PXN: variants seen among roughly 807,000 people sequenced by gnomAD.
PXN encodes the protein paxillin.
PXN carries 61 observed loss-of-function variants against 103.6 expected under a neutral mutation model. That is an observed-to-expected ratio of 0.59 (90% CI 0.48 to 0.73). PXN has a LOEUF of 0.73. Ranked by LOEUF, PXN falls within the 30% of genes least tolerant of loss-of-function variation. The probability of loss-of-function intolerance (pLI) is 0.00; values close to 1 mark genes in which losing one functional copy is unlikely to be tolerated. For missense variants in PXN, 1,274 were observed against 1,460.3 expected (o/e 0.87, Z 2.08); for synonymous variants, 562 against 607.8 (o/e 0.92, Z 1.11).
intron 1 of PXN, among the ~76,000 whole-genome samples, chr12:120,237,229 G>A (rs1241742697): frequency 6.6e-6 from 1 of 151,484 alleles, no homozygotes; most frequent in Non-Finnish European, 1.5e-5. Context: ...CATGATCACG[G>A]TTCACTGCAA....
rs1331194739 is a variant in PXN, at chr12:120,228,688, A to G, written c.14-4311T>C. 6.6e-6 allele frequency among the ~76,000 whole-genome samples: 1 copy of G among 152,220 alleles called. No homozygotes were observed. The highest frequency in any genetic ancestry group is 2.4e-5 in the African/African-American group (1 of 41,452). ...AACACAGCAAGCTAGTGGGAGGAAC[A>G]CAGGTAGCCTGGTATCACTTGAAGG... is the stretch of plus-strand genomic sequence containing the variant. On this transcript the variant is annotated intron_variant, in intron 1 of 14. Transcript: ENST00000637617. The surrounding 1 kb of genome is among the most constrained non-coding windows in gnomAD (Gnocchi z 4.7).
intron 1 of PXN, chr12:120,249,880 C>A: frequency 1.0e-6 from 1 of 985,552 alleles, no homozygotes. Flanking sequence ...ACAGCTACCT[C>A]ACCTCAAAGA....
intron 1 of PXN, among the ~76,000 whole-genome samples, chr12:120,232,552 GAC>G (rs1888259786): frequency 6.6e-6 from 1 of 152,114 alleles, no homozygotes; most frequent in African/African-American, 2.4e-5. Flanking sequence ...ATACAAAAAA[GAC>G]AGCCTCAAAC....
Position 120,215,347 on chromosome 12 carries a change from T to C in PXN, c.2404-74A>G, listed in dbSNP as rs910011534. ...GTGTCTGGCAGCACAGGGATGGGGG[T>C]ACTTTTCTCCCTCCTGGACAGATGA... On this transcript the variant is annotated intron_variant, in intron 10 of 14. Coordinates refer to ENST00000637617, the MANE Select transcript of PXN (RefSeq NM_001385981.1). This position sits in a 1 kb window ranked among gnomAD's most constrained non-coding sequence, Gnocchi z 4.9. 1 of 1,522,202 alleles carries C rather than the reference T, an allele frequency of 6.6e-7. No individual in the cohort carries two copies. The allele number at this position is 1,522,202 out of a possible 1,614,324, so 94.3% of individuals were successfully genotyped here.
At position 120,225,952 on chromosome 12, in the gene PXN, G is replaced by A. The variant is rs1216625033; in HGVS notation, c.14-1575C>T. 3 of 611,352 alleles carry A rather than the reference G, an allele frequency of 4.9e-6. No homozygotes were observed. The African/African-American group carries it at 5.9e-5, about 12-fold the overall frequency. 37.9% of individuals were successfully genotyped at this position (611,352 alleles called of 1,614,324 possible). A position where few individuals can be genotyped will look rare whatever the true frequency, so the allele number is the denominator to read the frequency against. On this transcript the variant is annotated intron_variant, in intron 1 of 14. Transcript: ENST00000637617. The surrounding 1 kb of genome is among the most constrained non-coding windows in gnomAD (Gnocchi z 4.4). ...TGGACAGAGGGGATGTCTGTTCCAAGGCCCAGGACCCCGGGTCTGGTCGCC... is the reference window on the plus strand; with the variant it reads ...TGGACAGAGGGGATGTCTGTTCCAAAGCCCAGGACCCCGGGTCTGGTCGCC...
Position 120,216,430 on chromosome 12 carries a change from G to T in PXN, c.2144C>A (p.Pro715His). The change falls in exon 9 of 15, where the codon CCC (proline) becomes CAC (histidine). Residue 715 changes from proline to histidine, a missense_variant. Physicochemically the swap from Pro to His is moderately conservative, Grantham distance 77. Coordinates refer to ENST00000637617, the MANE Select transcript of PXN (RefSeq NM_001385981.1). This position sits in a 1 kb window ranked among gnomAD's most constrained non-coding sequence, Gnocchi z 5.1. ...AGAAGAACCACAGGTATAAGCTGAG[G>T]GCCCCAGGGGGGAGGAGGCGAGCAG... The part of the protein sequence containing the change: ...PSLLASSPLG[P>H]SAYTCGSSGV... 7.3e-7 allele frequency: 1 copy of T among 1,373,428 alleles called. No homozygotes were observed. Among genetic ancestry groups the T allele is most frequent in the Non-Finnish European group, 9.3e-7 (1 of 1,072,422 alleles). The allele number at this position is 1,373,428 out of a possible 1,614,324, so 85.1% of individuals were successfully genotyped here. A position where few individuals can be genotyped will look rare whatever the true frequency, so the allele number is the denominator to read the frequency against.
chr12:120,254,304 C>G (rs1010700449), intron 1 of PXN, among the ~76,000 whole-genome samples: 1 of 152,132 alleles, frequency 6.6e-6, no homozygotes. Context: ...AGCAGATACA[C>G]GAGATGCACA....
chr12:120,216,616 G>A lies in PXN; in HGVS notation c.1993-35C>T, dbSNP rs1324876542. 5 of 1,507,482 alleles carry A rather than the reference G, an allele frequency of 3.3e-6. No individual in the cohort carries two copies. The highest frequency in any genetic ancestry group is 5.1e-5 in the East Asian group (2 of 39,120). 93.4% of individuals were successfully genotyped at this position (1,507,482 alleles called of 1,614,324 possible). On this transcript the variant is annotated intron_variant, in intron 8 of 14. Coordinates refer to ENST00000637617, the MANE Select transcript of PXN (RefSeq NM_001385981.1). The surrounding 1 kb of genome is among the most constrained non-coding windows in gnomAD (Gnocchi z 5.1). ...AGAAAGGAGGGAGAGCGATGAGGAA[G>A]AAATCGCCAGCTCAGCCCACAGGGG... is the stretch of plus-strand genomic sequence containing the variant.
At position 120,215,624 on chromosome 12, in the gene PXN, C is replaced by G; in HGVS notation, c.2339G>C (p.Cys780Ser). ...GLEQRADGER[C>S]WAAGWPRDGG... ...GTCCCGAGGCCAGCCGGCCGCCCAGCACCGCTCCCCATCCGCTCTTTGCTC... is the reference window on the plus strand; with the variant it reads ...GTCCCGAGGCCAGCCGGCCGCCCAGGACCGCTCCCCATCCGCTCTTTGCTC... Residue 780 changes from cysteine (C) to serine (S), a missense_variant, in exon 10 of 15, where the codon TGC (cysteine) becomes TCC (serine). By Grantham distance (112) the Cys-to-Ser change is moderately radical. This residue lies in a region of PXN where 1,178 missense variants were observed against 1,309.0 expected (regional missense o/e 0.90). Transcript: ENST00000637617. This position sits in a 1 kb window ranked among gnomAD's most constrained non-coding sequence, Gnocchi z 4.9. 6.2e-7 allele frequency: 1 copy of G among 1,612,194 alleles called. No homozygotes were observed. The highest frequency in any genetic ancestry group is 1.1e-5 in the South Asian group (1 of 91,034).
intron 1 of PXN, among the ~76,000 whole-genome samples, chr12:120,230,961 C>T (rs942386438): frequency 6.6e-6 from 1 of 152,174 alleles, no homozygotes; most frequent in Non-Finnish European, 1.5e-5. Flanking sequence ...AGAGCAGGGG[C>T]CTTGTCGGTC....
chr12:120,221,904 C>T lies in PXN; in HGVS notation c.696-146G>A. The T allele has an allele frequency of 8.0e-7, 1 of 1,254,134 alleles. No homozygotes were observed. The highest frequency in any genetic ancestry group is 2.7e-5 in the Admixed American group (1 of 36,896). 77.7% of individuals were successfully genotyped at this position (1,254,134 alleles called of 1,614,324 possible). Reference sequence around the variant, plus strand: ...CCAGCTCCCTGTCTCTCCTGGGGACCCATCACTGGGTCAGAAGAAAGGGCA... The same window carrying T: ...CCAGCTCCCTGTCTCTCCTGGGGACTCATCACTGGGTCAGAAGAAAGGGCA... On this transcript the variant is annotated intron_variant, in intron 5 of 14. Coordinates refer to ENST00000637617, the MANE Select transcript of PXN (RefSeq NM_001385981.1). This position sits in a 1 kb window ranked among gnomAD's most constrained non-coding sequence, Gnocchi z 6.6.
chr12:120,242,307 A>AT (rs1044704929), intron 1 of PXN, among the ~76,000 whole-genome samples: 2 of 152,162 alleles, frequency 1.3e-5, no homozygotes, highest in African/African-American at 4.8e-5. Flanking sequence ...CAGGAAGACC[A>AT]TGGGCTCCCT....
intron 1 of PXN, among the ~76,000 whole-genome samples, chr12:120,249,691 G>A (rs192175867): frequency 2.4e-4 from 37 of 152,272 alleles, no homozygotes; most frequent in Admixed American, 7.2e-4. Context: ...TCCAGGTAAC[G>A]ATCTTCTTCC....
Position 120,224,092 on chromosome 12 carries a change from G to T in PXN, c.240+59C>A. ...CCCCTGGCTCCCTAAGCCCCTGCCAGCTAAGTTCCCTCTGTCCCCCAGCCT... is the reference window on the plus strand; with the variant it reads ...CCCCTGGCTCCCTAAGCCCCTGCCATCTAAGTTCCCTCTGTCCCCCAGCCT... On this transcript the variant is annotated intron_variant, in intron 2 of 14. Coordinates refer to ENST00000637617, the MANE Select transcript of PXN (RefSeq NM_001385981.1). This position sits in a 1 kb window ranked among gnomAD's most constrained non-coding sequence, Gnocchi z 5.0. 2 of 1,367,262 alleles carry T rather than the reference G, an allele frequency of 1.5e-6. No homozygotes were observed. Among genetic ancestry groups the T allele is most frequent in the East Asian group, 2.5e-5 (1 of 39,848 alleles). The allele number at this position is 1,367,262 out of a possible 1,614,324, so 84.7% of individuals were successfully genotyped here.
rs1364797247 is a variant in PXN, at chr12:120,211,657, AC to A, written c.*656del. 1 of 306,538 alleles carries A rather than the reference AC, an allele frequency of 3.3e-6. No homozygotes were observed. The highest frequency in any genetic ancestry group is 6.6e-6 in the Non-Finnish European group (1 of 152,182). The allele number at this position is 306,538 out of a possible 1,614,324, so 19.0% of individuals were successfully genotyped here. On this transcript the variant is annotated 3_prime_UTR_variant, in exon 15 of 15. Coordinates refer to ENST00000637617, the MANE Select transcript of PXN (RefSeq NM_001385981.1). ...CGCCGTCCCGGAGACGGAGGAAGTG[AC>A]TAGAAAACATTATTGCTGGAGAGGC... is the stretch of plus-strand genomic sequence containing the variant.
chr12:120,222,695 G>A lies in PXN; in HGVS notation c.549C>T (p.Val183=). 1.2e-6 allele frequency: 2 copies of A among 1,610,018 alleles called. No homozygotes were observed. The highest frequency in any genetic ancestry group is 1.7e-6 in the Non-Finnish European group (2 of 1,178,336). ...CTCCCAAGGGGCTGTTAGTCTCTGG[G>A]ACACCATAGAGGGGGCTCAGGGCCC... The part of the protein sequence containing the change: ...LPGALSPLYG[V]PETNSPLGGK... The change falls in exon 5 of 15, where the codon GTC becomes GTT. Residue 183 remains valine, a synonymous_variant. Transcript: ENST00000637617. The surrounding 1 kb of genome is among the most constrained non-coding windows in gnomAD (Gnocchi z 4.7).
rs1882985820 is a variant in PXN, at chr12:120,216,338, C to T, written c.2236G>A (p.Ala746Thr). 2 of 1,288,936 alleles carry T rather than the reference C, an allele frequency of 1.6e-6. No homozygotes were observed. The highest frequency in any genetic ancestry group is 9.8e-7 in the Non-Finnish European group (1 of 1,023,150). The allele number at this position is 1,288,936 out of a possible 1,614,324, so 79.8% of individuals were successfully genotyped here. A position where few individuals can be genotyped will look rare whatever the true frequency, so the allele number is the denominator to read the frequency against. Residue 746 changes from alanine (A) to threonine (T), a missense_variant, in exon 9 of 15, where the codon GCA becomes ACA. Ala to Thr is a moderately conservative substitution (Grantham distance 58). Around this residue, in one of 2 missense-constraint regions of PXN, gnomAD observed 1,178 missense variants for 1,309.0 expected, o/e 0.90. Transcript: ENST00000637617. The surrounding 1 kb of genome is among the most constrained non-coding windows in gnomAD (Gnocchi z 5.1). ...CCCACGGACCTCATGGTGTGGGGTG[C>T]AGGAATGGGAAGGGCAGGGCCCTGC... ...GVQGPALPIP[A>T]PHTMRSVGCQ... is the part of the protein sequence containing the mutation.
In PXN at chr12:120,216,364, A is replaced by G. The variant is rs532341342; in HGVS notation, c.2210T>C (p.Val737Ala). The G allele has an allele frequency of 1.3e-4, 169 of 1,315,384 alleles. No individual in the cohort carries two copies. In the African/African-American group the frequency reaches 2.3e-3, roughly 18 times the overall value. The allele number at this position is 1,315,384 out of a possible 1,614,324, so 81.5% of individuals were successfully genotyped here. ...SAGEEPHDEG[V>A]QGPALPIPAP... ...AGGAATGGGAAGGGCAGGGCCCTGCACCCCCTCATCATGGGGCTCTTCCCC... is the reference window on the plus strand; with the variant it reads ...AGGAATGGGAAGGGCAGGGCCCTGCGCCCCCTCATCATGGGGCTCTTCCCC... The change falls in exon 9 of 15, where the codon GTG (valine) becomes GCG (alanine). Residue 737 changes from valine to alanine, a missense_variant. Coordinates refer to ENST00000637617, the MANE Select transcript of PXN (RefSeq NM_001385981.1). The surrounding 1 kb of genome is among the most constrained non-coding windows in gnomAD (Gnocchi z 5.1).
Position 120,259,082 on chromosome 12 carries a change from C to A in PXN, c.13+6535G>T, listed in dbSNP as rs57157992. Among the ~76,000 whole-genome samples, 1,096 of 145,550 alleles carry A rather than the reference C, an allele frequency of 7.5e-3. 23 individuals carry two copies. The East Asian group carries it at 0.1, about 13-fold the overall frequency. ...AAAACTCTGCCTCAAAACAAACAAA[C>A]AAAAAAAAACAAATAAAACTAAGTT... On this transcript the variant is annotated intron_variant, in intron 1 of 14. Coordinates refer to ENST00000637617, the MANE Select transcript of PXN (RefSeq NM_001385981.1).
Sources: gnomAD v4.1 joint callset for allele counts (sites outside exome capture counted in the v4.1 genomes callset) on GRCh38, gnomAD v4.1.1 for gene constraint, gnomAD v4.1.1 regional missense constraint, Gnocchi (gnomAD v3.1) non-coding constraint, MANE v1.5 for transcripts, NCBI Gene and HGNC (gene_info 2026-07-23, HGNC 2026-07-21) for gene names.